HHIPL1: variants seen among roughly 807,000 people sequenced by gnomAD.
The protein encoded by HHIPL1 is HHIP like 1.
HHIPL1 carries 43 observed loss-of-function variants against 61.8 expected under a neutral mutation model. The ratio of observed to expected loss-of-function variants is 0.70; its 90% CI spans 0.55 to 0.90. The LOEUF (loss-of-function observed/expected upper bound fraction) is 0.90, where lower values mean the gene tolerates loss of function less well. Among genes scored for constraint, HHIPL1 ranks in the 40% least tolerant of loss-of-function variants. The pLI, the probability that HHIPL1 is intolerant of heterozygous loss-of-function variation, is 0.00. For missense variants in HHIPL1, 1,056 were observed against 1,157.7 expected, an observed-to-expected ratio of 0.91 and a Z score of 1.28; for synonymous variants, 482 against 515.8, an observed-to-expected ratio of 0.93 and a Z score of 0.89.
At chr14:99,631,867 T>G in the HHIPL1 span, among the ~76,000 whole-genome samples, 52 of 152,312 alleles carry the variant, frequency 3.4e-4, 1 homozygote, top group African/African-American at 1.1e-3. Context: ...ACTGTCCTAC[T>G]GGCCAAAGTG....
chr14:99,631,088 C>CTTTCTTTCTTTCTT, the HHIPL1 span, among the ~76,000 whole-genome samples: 4 of 147,526 alleles, frequency 2.7e-5, no homozygotes, highest in African/African-American at 7.6e-5. Flanking sequence ...TTCTTTCTTT[C>CTTTCTTTCTTTCTT]TTTCTTTCTT....
chr14:99,637,050 G>GAAA, the HHIPL1 span, among the ~76,000 whole-genome samples: 250 of 44,128 alleles, frequency 5.7e-3, 7 homozygotes, highest in African/African-American at 8.7e-3. Context: ...AAAGAAAGAA[G>GAAA]GAAGGAAGGA....
At chr14:99,612,062 A>G in the HHIPL1 span, among the ~76,000 whole-genome samples, 1 of 152,170 alleles carries the variant, frequency 6.6e-6, no homozygotes, top group Non-Finnish European at 1.5e-5. Flanking sequence ...CTCACCTGCT[A>G]TGAAGAAATA....
chr14:99,620,419 T>C, the HHIPL1 span, among the ~76,000 whole-genome samples: 1 of 152,126 alleles, frequency 6.6e-6, no homozygotes, highest in Non-Finnish European at 1.5e-5. Flanking sequence ...TTGCAGGGAG[T>C]GCCCTCCCCC....
At chr14:99,605,390 G>GGT in the HHIPL1 span, among the ~76,000 whole-genome samples, 5 of 151,464 alleles carry the variant, frequency 3.3e-5, 1 homozygote, top group East Asian at 2.0e-4. Context: ...GGCGGGGCGG[G>GGT]GGGGGGTCCC....
At chr14:99,618,948 G>A in the HHIPL1 span, among the ~76,000 whole-genome samples, 4 of 152,086 alleles carry the variant, frequency 2.6e-5, no homozygotes, top group East Asian at 3.9e-4. Context: ...CAGAAACATC[G>A]TGCCAGGCCT....
At chr14:99,639,747 T>G in the HHIPL1 span, among the ~76,000 whole-genome samples, 1 of 151,596 alleles carries the variant, frequency 6.6e-6, no homozygotes, top group South Asian at 2.1e-4. Context: ...CTGCAACTTC[T>G]GCCTCCTGGG....
chr14:99,661,806 A>G (rs2056157999), intron 5 of HHIPL1, among the ~76,000 whole-genome samples: 1 of 152,174 alleles, frequency 6.6e-6, no homozygotes, highest in African/African-American at 2.4e-5. Context: ...CTCTGGCAGC[A>G]GCCGAATAGG....
At chr14:99,663,515 A>G (rs2056189153) in intron 6 of HHIPL1, among the ~76,000 whole-genome samples, 1 of 152,096 alleles carries the variant, frequency 6.6e-6, no homozygotes, top group Admixed American at 6.5e-5. Flanking sequence ...GGTGGGTTTT[A>G]GCCGGCTTCT....
At chr14:99,666,602 G>C (rs2056250004) in intron 6 of HHIPL1, among the ~76,000 whole-genome samples, 1 of 152,252 alleles carries the variant, frequency 6.6e-6, no homozygotes, top group Admixed American at 6.5e-5. Flanking sequence ...GAACCAGGGA[G>C]TTCCTCAAGG....
the HHIPL1 span, among the ~76,000 whole-genome samples, chr14:99,614,369 G>A: frequency 2.6e-5 from 4 of 152,138 alleles, no homozygotes; most frequent in Admixed American, 2.6e-4. Context: ...ACTCTGCAAT[G>A]AGGAAGCTCC....
chr14:99,605,528 C>T, the HHIPL1 span, among the ~76,000 whole-genome samples: 1 of 152,228 alleles, frequency 6.6e-6, no homozygotes, highest in Admixed American at 6.5e-5. Context: ...CAGCTGTGTA[C>T]TCAGCGCCTA....
chr14:99,626,763 G>A, the HHIPL1 span, among the ~76,000 whole-genome samples: 3 of 152,196 alleles, frequency 2.0e-5, no homozygotes, highest in African/African-American at 7.2e-5. Context: ...ACAACACAGG[G>A]CTCAGGGTCT....
chr14:99,657,745 AC>A, intron 3 of HHIPL1, among the ~76,000 whole-genome samples: 1 of 150,838 alleles, frequency 6.6e-6, no homozygotes, highest in African/African-American at 2.5e-5. Flanking sequence ...ACACATACAC[AC>A]ACAAACACAC....
In HHIPL1 at chr14:99,668,334, C is replaced by T; in HGVS notation, c.1730+31C>T. 5 of 1,360,936 alleles carry T rather than the reference C, an allele frequency of 3.7e-6. No individual in the cohort carries two copies. Among genetic ancestry groups the T allele is most frequent in the Non-Finnish European group, 5.3e-6 (5 of 949,672 alleles). The allele number at this position is 1,360,936 out of a possible 1,614,324, so 84.3% of individuals were successfully genotyped here. A position where few individuals can be genotyped will look rare whatever the true frequency, so the allele number is the denominator to read the frequency against. ...TCCCAGCCTCCAGGACAGGGAGCTC[C>T]TGCTGTCTGTCAGGCCTCTTAGCTC... On this transcript the variant is annotated intron_variant, in intron 7 of 8. Transcript: ENST00000330710. This position sits in a 1 kb window ranked among gnomAD's most constrained non-coding sequence, Gnocchi z 4.7.
intron 1 of HHIPL1, among the ~76,000 whole-genome samples, chr14:99,651,329 G>T (rs931154595): frequency 6.6e-6 from 1 of 152,070 alleles, no homozygotes; most frequent in Non-Finnish European, 1.5e-5. Context: ...GGTTTAATGG[G>T]CTCACAGTTC....
In HHIPL1 at chr14:99,665,150, C is replaced by A. The variant is rs1489085135; in HGVS notation, c.1648+2129C>A. ...TCATGTTGGCTAGCCTGGTCTCGAA[C>A]CCCTGACCTCAGGTGACCCCAAAGT... On this transcript the variant is annotated intron_variant, in intron 6 of 8. Transcript: ENST00000330710. Among the ~76,000 whole-genome samples, 3 of 152,078 alleles carry A rather than the reference C, an allele frequency of 2.0e-5. No individual in the cohort carries two copies. The East Asian group carries it at 5.8e-4, about 29-fold the overall frequency.
At chr14:99,621,765 G>C in the HHIPL1 span, among the ~76,000 whole-genome samples, 12 of 124,302 alleles carry the variant, frequency 9.7e-5, no homozygotes, top group South Asian at 1.6e-3. Flanking sequence ...GCCCAGGCTG[G>C]AGTGCAGTGA....
the HHIPL1 span, among the ~76,000 whole-genome samples, chr14:99,637,212 G>GA: frequency 3.9e-4 from 41 of 105,786 alleles, no homozygotes; most frequent in African/African-American, 1.5e-3. Flanking sequence ...AAGAAAGAAA[G>GA]AAAGAAAGAA....
Sources: allele counts gnomAD v4.1 joint callset (sites outside exome capture counted in the v4.1 genomes callset), GRCh38; gene constraint gnomAD v4.1.1; non-coding constraint Gnocchi (gnomAD v3.1); transcripts MANE v1.5; gene names NCBI Gene and HGNC (gene_info 2026-07-23, HGNC 2026-07-21).